The following CAP2 variants were observed in gnomAD, a reference collection of about 807,000 sequenced individuals.
The protein encoded by CAP2 is adenylyl cyclase-associated protein 2.
CAP2 carries 24 observed loss-of-function variants against 57.7 expected under a neutral mutation model. That is an observed-to-expected ratio of 0.42 (90% CI 0.30 to 0.58). The LOEUF is 0.58. Ranked by LOEUF, CAP2 falls within the 20% of genes least tolerant of loss-of-function variation. The probability of loss-of-function intolerance (pLI) is 0.22; values close to 1 mark genes in which losing one functional copy is unlikely to be tolerated. For missense variants in CAP2, 501 were observed against 590.3 expected, an observed-to-expected ratio of 0.85 and a Z score of 1.57; for synonymous variants, 194 against 207.2, an observed-to-expected ratio of 0.94 and a Z score of 0.55.
At chr6:17,452,912 T>A (rs1760450728) in intron 3 of CAP2, among the ~76,000 whole-genome samples, 1 of 152,170 alleles carries the variant, frequency 6.6e-6, no homozygotes, top group Admixed American at 6.5e-5. Flanking sequence ...TCCATAACAT[T>A]GCCTGAATAA....
At chr6:17,493,504 G>C (rs978955616) in intron 4 of CAP2, 1 of 245,800 alleles carries the variant, frequency 4.1e-6, no homozygotes. Context: ...CTGCTGGCCA[G>C]AGTGAATGAC....
Position 17,405,141 on chromosome 6 carries a change from G to C in CAP2, c.-2+11395G>C, listed in dbSNP as rs557808548. ...GGCACGCCTATAACCCCAGCACTTT[G>C]GGAGGCCGAGGCGGGTGGATCACCT... On this transcript the variant is annotated intron_variant, in intron 1 of 12. Transcript: ENST00000229922. Among the ~76,000 whole-genome samples the C allele has an allele frequency of 4.9e-4, 74 of 152,320 alleles. 1 individual carries two copies. Among genetic ancestry groups the C allele is most frequent in the African/African-American group, 1.8e-3 (74 of 41,582 alleles).
intron 3 of CAP2, among the ~76,000 whole-genome samples, chr6:17,443,996 TA>T (rs1254070587): frequency 3.9e-5 from 6 of 152,276 alleles, no homozygotes; most frequent in South Asian, 2.1e-4. Context: ...AAAACCCTTT[TA>T]AAAAAATATT....
chr6:17,530,888 G>A (rs1272463241), intron 7 of CAP2: 5 of 1,173,758 alleles, frequency 4.3e-6, no homozygotes, highest in Non-Finnish European at 6.3e-6. Flanking sequence ...AATCATGGTA[G>A]ACACCTTAGT....
At chr6:17,509,003 C>T (rs1429849252) in intron 6 of CAP2, among the ~76,000 whole-genome samples, 1 of 152,082 alleles carries the variant, frequency 6.6e-6, no homozygotes, top group Admixed American at 6.6e-5. Flanking sequence ...GATCCGCCCA[C>T]CTCAGCCTCC....
At chr6:17,460,847 A>T (rs73373290) in intron 3 of CAP2, among the ~76,000 whole-genome samples, 20,533 of 152,180 alleles carry the variant, frequency 0.13, 4,482 homozygotes, top group African/African-American at 0.46. Flanking sequence ...GTGAGGCATT[A>T]TTTTAAAACT....
At position 17,397,959 on chromosome 6, in the gene CAP2, C is replaced by G. The variant is rs537911295; in HGVS notation, c.-2+4213C>G. Among the ~76,000 whole-genome samples the G allele has an allele frequency of 4.6e-5, 7 of 151,626 alleles. No individual in the cohort carries two copies. The South Asian group carries it at 1.3e-3, about 27-fold the overall frequency. ...AAAAGAAAACCTGATTCTCCTTTGA[C>G]TTACACATTGATGGCATGTAACCAC... On this transcript the variant is annotated intron_variant, in intron 1 of 12. Coordinates refer to ENST00000229922, the MANE Select transcript of CAP2 (RefSeq NM_006366.3).
At chr6:17,543,888 G>A (rs1041877765) in intron 11 of CAP2, among the ~76,000 whole-genome samples, 4 of 152,030 alleles carry the variant, frequency 2.6e-5, no homozygotes, top group Non-Finnish European at 4.4e-5. Flanking sequence ...ACTTTGGGAG[G>A]CCAAGGCGGG....
intron 4 of CAP2, among the ~76,000 whole-genome samples, chr6:17,479,018 T>C (rs908618885): frequency 2.6e-5 from 4 of 152,196 alleles, no homozygotes; most frequent in Non-Finnish European, 5.9e-5. Context: ...TCATTCTATG[T>C]CATCAGAAGA....
At chr6:17,451,540 C>T (rs1457895219) in intron 3 of CAP2, among the ~76,000 whole-genome samples, 3 of 151,570 alleles carry the variant, frequency 2.0e-5, no homozygotes, top group Non-Finnish European at 2.9e-5. Flanking sequence ...GACAGAGTCT[C>T]GCTCTGTCAC....
intron 7 of CAP2, among the ~76,000 whole-genome samples, chr6:17,519,058 G>T (rs1762332859): frequency 1.3e-5 from 2 of 152,100 alleles, no homozygotes; most frequent in African/African-American, 4.8e-5. Flanking sequence ...AGTAATTGTT[G>T]TTTTTTTCTA....
intron 3 of CAP2, among the ~76,000 whole-genome samples, chr6:17,452,656 G>A (rs752578448): frequency 1.3e-5 from 2 of 152,132 alleles, no homozygotes; most frequent in African/African-American, 2.4e-5. Flanking sequence ...GAATAAAATC[G>A]TATGTAGTTA....
intron 3 of CAP2, among the ~76,000 whole-genome samples, chr6:17,432,734 T>TGC (rs60827744): frequency 2.2e-4 from 33 of 150,678 alleles, no homozygotes; most frequent in African/African-American, 8.0e-4. Flanking sequence ...CTTGCTTGCT[T>TGC]TTCTTCTTTT....
chr6:17,529,121 A>G (rs1442071761), intron 7 of CAP2, among the ~76,000 whole-genome samples: 3 of 152,224 alleles, frequency 2.0e-5, no homozygotes, highest in Non-Finnish European at 4.4e-5. Flanking sequence ...TCATAAATTC[A>G]ATTCAGTTAC....
intron 4 of CAP2, among the ~76,000 whole-genome samples, chr6:17,502,797 T>C (rs1490310148): frequency 6.6e-6 from 1 of 152,206 alleles, no homozygotes; most frequent in African/African-American, 2.4e-5. Context: ...TTCTCAAAAA[T>C]GTCATTACAT....
rs1760620205 is a variant in CAP2, at chr6:17,457,961, T to G, written c.223-5035T>G. Reference sequence around the variant, plus strand: ...ACAATTCAGTCGGCTCTGCAAGGCTTGTCATAGATGAGGACGTTACCTCTA... The same window carrying G: ...ACAATTCAGTCGGCTCTGCAAGGCTGGTCATAGATGAGGACGTTACCTCTA... On this transcript the variant is annotated intron_variant, in intron 3 of 12. Transcript: ENST00000229922. 3.9e-5 allele frequency among the ~76,000 whole-genome samples: 6 copies of G among 152,350 alleles called. No individual in the cohort carries two copies. The South Asian group carries it at 1.2e-3, about 32-fold the overall frequency.
chr6:17,496,027 T>A (rs980636616), intron 4 of CAP2, among the ~76,000 whole-genome samples: 1 of 44,314 alleles, frequency 2.3e-5, no homozygotes, highest in Non-Finnish European at 3.8e-5. Flanking sequence ...CGTGTGTGGG[T>A]GGGGGGGGGG....
At chr6:17,554,450 G>C (rs1157788732) in intron 12 of CAP2, among the ~76,000 whole-genome samples, 1 of 152,230 alleles carries the variant, frequency 6.6e-6, no homozygotes, top group Admixed American at 6.5e-5. Context: ...ATACAGTGGG[G>C]TCTCGCTATG....
rs933248909 is a variant in CAP2 at position 17,541,727 on chromosome 6, C to A, written c.1002+579C>A. ...AAGACAGTGTTGTTAACTATATTTA[C>A]CCTACTCTGCTGTCGAATTAGAATT... On this transcript the variant is annotated intron_variant, in intron 9 of 12. Coordinates refer to ENST00000229922, the MANE Select transcript of CAP2 (RefSeq NM_006366.3). Among the ~76,000 whole-genome samples, 4 of 69,576 alleles carry A rather than the reference C, an allele frequency of 5.7e-5. No homozygotes were observed. The East Asian group carries it at 1.9e-3, about 33-fold the overall frequency. The allele number at this position is 69,576 out of a possible 152,430, so 45.6% of individuals were successfully genotyped here.
Sources: allele counts gnomAD v4.1 joint callset (sites outside exome capture counted in the v4.1 genomes callset), GRCh38; gene constraint gnomAD v4.1.1; transcripts MANE v1.5; gene names NCBI Gene and HGNC (gene_info 2026-07-23, HGNC 2026-07-21).